NVL: variants seen among roughly 807,000 people sequenced by gnomAD.
NVL encodes nuclear valosin-containing protein-like.
NVL carries 84 observed loss-of-function variants against 110.2 expected under a neutral mutation model. The ratio of observed to expected loss-of-function variants is 0.76; its 90% CI spans 0.64 to 0.91. NVL has a LOEUF of 0.91. Ranked by LOEUF, NVL falls within the 40% of genes least tolerant of loss-of-function variation. The pLI is 0.00. For synonymous variants in NVL, 354 were observed against 361.1 expected (o/e 0.98, Z 0.22); for missense variants, 882 against 1,035.9 (o/e 0.85, Z 2.04).
intron 22 of NVL, among the ~76,000 whole-genome samples, chr1:224,230,457 A>T (rs181360189): frequency 6.6e-6 from 1 of 152,210 alleles, no homozygotes; most frequent in Non-Finnish European, 1.5e-5. Flanking sequence ...ACAAAAAATT[A>T]GCCAGGCATG....
intron 19 of NVL, among the ~76,000 whole-genome samples, chr1:224,247,152 G>A (rs1217781595): frequency 6.6e-6 from 1 of 151,780 alleles, no homozygotes; most frequent in Admixed American, 6.6e-5. Flanking sequence ...ATAAGTATAT[G>A]CAACCAAAGC....
At chr1:224,239,172 G>A (rs995668868) in intron 19 of NVL, among the ~76,000 whole-genome samples, 1 of 152,086 alleles carries the variant, frequency 6.6e-6, no homozygotes, top group African/African-American at 2.4e-5. Flanking sequence ...TTCTGTAGGT[G>A]TATCATACTT....
At chr1:224,326,614 T>C (rs536051526) in intron 1 of NVL, 150 bp from the exon 2 acceptor site, 1 of 567,724 alleles carries the variant, frequency 1.8e-6, no homozygotes, top group East Asian at 2.9e-5. Flanking sequence ...AGTAACCAAA[T>C]AATTGTCAAA....
chr1:224,233,376 T>A, intron 20 of NVL, 87 bp from the exon 21 acceptor site: 1 of 907,770 alleles, frequency 1.1e-6, no homozygotes, highest in Non-Finnish European at 1.6e-6. Context: ...ATATAAGTCA[T>A]ATATTAAATA....
At chr1:224,304,679 C>T (rs7522125) in intron 8 of NVL, 57 bp downstream of exon 8, 1,443,028 of 1,445,842 alleles carry the variant, frequency 1, 720,147 homozygotes, top group East Asian at 1. Context: ...TAGGCTTTTT[C>T]CTCATAACTG....
intron 1 of NVL, 93 bp downstream of exon 1, chr1:224,329,978 A>T: frequency 8.1e-7 from 1 of 1,228,636 alleles, no homozygotes; most frequent in Non-Finnish European, 1.2e-6. Flanking sequence ...AGACTAGTTG[A>T]GTTCCACCTG....
rs1187808449 is a variant in NVL at position 224,227,592 on chromosome 1, T to A, written c.*34A>T. 1 of 1,594,784 alleles carries A rather than the reference T, an allele frequency of 6.3e-7. No homozygotes were observed. The highest frequency in any genetic ancestry group is 1.3e-5 in the African/African-American group (1 of 74,474). On this transcript the variant is annotated 3_prime_UTR_variant, in exon 23 of 23. Transcript: ENST00000281701. ...TGTGGGGGATTCTCTGCCGGCTTGATGGGCTAGCTCCTCTAAGCCGGCTGC... is the reference window on the plus strand; with the variant it reads ...TGTGGGGGATTCTCTGCCGGCTTGAAGGGCTAGCTCCTCTAAGCCGGCTGC...
intron 19 of NVL, among the ~76,000 whole-genome samples, chr1:224,248,415 G>A (rs1662100642): frequency 6.6e-6 from 1 of 151,804 alleles, no homozygotes; most frequent in Non-Finnish European, 1.5e-5. Context: ...TTTCCATACT[G>A]TGCATCAATA....
chr1:224,233,319 T>C (rs549360320), intron 20 of NVL, 30 bp from the exon 21 acceptor site: 1 of 1,528,936 alleles, frequency 6.5e-7, no homozygotes, highest in Non-Finnish European at 8.8e-7. Context: ...ATCTACTTAT[T>C]CTTAGATACT....
intron 4 of NVL, chr1:224,313,149 A>G: frequency 4.0e-6 from 1 of 251,252 alleles, no homozygotes; most frequent in African/African-American, 2.5e-5. Flanking sequence ...ACAGAGCGAG[A>G]CGCTGTCTCA....
chr1:224,251,846 A>G (rs1251988826), intron 18 of NVL, among the ~76,000 whole-genome samples: 2 of 152,048 alleles, frequency 1.3e-5, no homozygotes, highest in Admixed American at 6.6e-5. Context: ...TGATTACGTC[A>G]ACCCTCAGTA....
intron 4 of NVL, among the ~76,000 whole-genome samples, chr1:224,317,474 G>A (rs1339384293): frequency 3.9e-5 from 6 of 152,076 alleles, no homozygotes. Context: ...TTTGTGAAAG[G>A]GAAATGACAC....
Position 224,246,932 on chromosome 1 carries a change from G to A in NVL, c.2289+3280C>T, listed in dbSNP as rs373334062. ...GGCACGCACCTGTGGCCCCAGCTGC[G>A]TGGGGAGGCTGAAGTAGGAGATATG... On this transcript the variant is annotated intron_variant, in intron 19 of 22. Coordinates refer to ENST00000281701, the MANE Select transcript of NVL (RefSeq NM_002533.4). Among the ~76,000 whole-genome samples, 18 of 151,932 alleles carry A rather than the reference G, an allele frequency of 1.2e-4. No individual in the cohort carries two copies. The East Asian group carries it at 1.7e-3, about 15-fold the overall frequency.
intron 21 of NVL, chr1:224,232,926 A>G: frequency 3.4e-6 from 1 of 298,214 alleles, no homozygotes; most frequent in East Asian, 5.6e-5. Flanking sequence ...TCCAGAATTG[A>G]TAAGCAGCCC....
intron 15 of NVL, among the ~76,000 whole-genome samples, chr1:224,283,488 AAAAG>A (rs55906337): frequency 0.055 from 8,404 of 152,068 alleles, 265 homozygotes; most frequent in East Asian, 0.097. Flanking sequence ...CCATCTCAAA[AAAAG>A]AAAGAAAGAA....
chr1:224,327,415 C>G (rs551146319), intron 1 of NVL, among the ~76,000 whole-genome samples: 3 of 151,802 alleles, frequency 2.0e-5, no homozygotes, highest in African/African-American at 7.3e-5. Flanking sequence ...TGCACTCCAG[C>G]CTGGGTGACA....
intron 6 of NVL, 25 bp from the exon 7 acceptor site, chr1:224,305,191 T>C (rs200351299): frequency 5.5e-4 from 875 of 1,586,558 alleles, no homozygotes; most frequent in Non-Finnish European, 6.5e-4. Context: ...AATTTAAATA[T>C]GCCATGCTTA....
Position 224,241,302 on chromosome 1 carries a change from G to C in NVL, c.2290-4720C>G, listed in dbSNP as rs944214146. Among the ~76,000 whole-genome samples the C allele has an allele frequency of 5.9e-5, 9 of 152,116 alleles. No individual in the cohort carries two copies. In the East Asian group the frequency reaches 1.5e-3, roughly 26 times the overall value. ...ATTTATTCTCAAGTGAGAGCAAAGA[G>C]AAAAATTTTAAATGGCATAATAAAG... is the stretch of plus-strand genomic sequence containing the variant. On this transcript the variant is annotated intron_variant, in intron 19 of 22. Transcript: ENST00000281701.
rs192515392 is a variant in NVL, at chr1:224,261,679, C to T, written c.2182+6355G>A. ...ATTAGAAGAGGGCTAGGGCTATGCA[C>T]GGTGGTTCACACCTGTAATCCCAGC... On this transcript the variant is annotated intron_variant, in intron 18 of 22. Transcript: ENST00000281701. 5.3e-5 allele frequency among the ~76,000 whole-genome samples: 8 copies of T among 152,220 alleles called. No homozygotes were observed. In the East Asian group the frequency reaches 7.7e-4, roughly 15 times the overall value.
Sources: gnomAD v4.1 joint callset for allele counts (sites outside exome capture counted in the v4.1 genomes callset) on GRCh38, gnomAD v4.1.1 for gene constraint, MANE v1.5 for transcripts, NCBI Gene and HGNC (gene_info 2026-07-23, HGNC 2026-07-21) for gene names.